ATR: variants seen among roughly 807,000 people sequenced by gnomAD.
ATR encodes serine/threonine-protein kinase ATR.
Under a neutral mutation model 305.3 loss-of-function variants are expected in ATR, and 142 were observed. The observed-to-expected ratio is 0.47, with a 90% CI of 0.41 to 0.53. The LOEUF (loss-of-function observed/expected upper bound fraction) is 0.53. ATR is among the 20% of genes least tolerant of loss of function. The pLI is 0.00. For missense variants in ATR, 2,135 were observed against 3,133.1 expected (o/e 0.68, Z 7.60); for synonymous variants, 1,050 against 1,068.1 (o/e 0.98, Z 0.33).
intron 30 of ATR, among the ~76,000 whole-genome samples, chr3:142,503,010 C>T (rs2032054707): frequency 6.6e-6 from 1 of 152,234 alleles, no homozygotes; most frequent in Non-Finnish European, 1.5e-5. Context: ...TTCCGTAAAT[C>T]AGTCACAACC....
intron 18 of ATR, among the ~76,000 whole-genome samples, chr3:142,540,649 T>C (rs1307671507): frequency 6.6e-6 from 1 of 152,132 alleles, no homozygotes; most frequent in East Asian, 1.9e-4. Context: ...AAACTAGCAA[T>C]GTTGATAACT....
At chr3:142,553,177 C>T in intron 13 of ATR, 50 bp downstream of exon 13, 1 of 1,579,124 alleles carries the variant, frequency 6.3e-7, no homozygotes, top group Non-Finnish European at 8.7e-7. Flanking sequence ...TTTTGTAACT[C>T]TTAAAAAGTA....
intron 36 of ATR, among the ~76,000 whole-genome samples, chr3:142,479,251 C>A (rs1433006185): frequency 1.3e-5 from 2 of 152,112 alleles, no homozygotes; most frequent in Non-Finnish European, 2.9e-5. Context: ...ATGTTTAGTG[C>A]TTCCTTCAGG....
intron 12 of ATR, 32 bp from the exon 13 acceptor site, chr3:142,553,430 A>G (rs1422244115): frequency 6.5e-7 from 1 of 1,540,414 alleles, no homozygotes; most frequent in East Asian, 2.3e-5. Flanking sequence ...ATATGAATAC[A>G]CAAACACACA....
At chr3:142,571,594 T>C (rs1314165663) in intron 1 of ATR, among the ~76,000 whole-genome samples, 1 of 152,158 alleles carries the variant, frequency 6.6e-6, no homozygotes, top group East Asian at 1.9e-4. Flanking sequence ...TGTGAGTGAT[T>C]AGCAAAGTCC....
At chr3:142,566,656 G>T (rs1301774175) in intron 2 of ATR, among the ~76,000 whole-genome samples, 1 of 149,816 alleles carries the variant, frequency 6.7e-6, no homozygotes, top group Non-Finnish European at 1.5e-5. Context: ...AAAGTGGGGT[G>T]GGGGTGGGGA....
At chr3:142,537,114 C>T (rs2033887976) in intron 19 of ATR, among the ~76,000 whole-genome samples, 1 of 152,108 alleles carries the variant, frequency 6.6e-6, no homozygotes, top group Non-Finnish European at 1.5e-5. Context: ...CAAAGTAGTG[C>T]CTTCATTCAG....
chr3:142,500,972 C>T (rs1338044322), intron 30 of ATR, among the ~76,000 whole-genome samples: 1 of 151,982 alleles, frequency 6.6e-6, no homozygotes, highest in Non-Finnish European at 1.5e-5. Flanking sequence ...GTACAAATGG[C>T]AATCAGGATC....
intron 39 of ATR, among the ~76,000 whole-genome samples, chr3:142,467,519 C>A (rs924830259): frequency 1.3e-5 from 2 of 152,124 alleles, no homozygotes; most frequent in Non-Finnish European, 2.9e-5. Flanking sequence ...CAACCCTCTT[C>A]CCTATCGTAA....
At chr3:142,540,214 A>G (rs1192969362) in intron 18 of ATR, among the ~76,000 whole-genome samples, 1 of 152,202 alleles carries the variant, frequency 6.6e-6, no homozygotes, top group Non-Finnish European at 1.5e-5. Context: ...TAAAATAAGT[A>G]AAATGTGTGA....
intron 36 of ATR, among the ~76,000 whole-genome samples, chr3:142,482,473 A>G (rs2030576963): frequency 6.6e-6 from 1 of 152,202 alleles, no homozygotes. Context: ...AGTAAATTCT[A>G]TATCCCAAGG....
rs1577713474 is a variant in ATR, at chr3:142,568,281, T to C, written c.60-127A>G. 4.1e-6 allele frequency: 3 copies of C among 724,066 alleles called. No individual in the cohort carries two copies. The South Asian group carries it at 5.3e-5, about 13-fold the overall frequency. 44.9% of individuals were successfully genotyped at this position (724,066 alleles called of 1,614,324 possible). On this transcript the variant is annotated intron_variant, in intron 1 of 46. Transcript: ENST00000350721. The stretch of plus-strand genomic sequence containing the variant: ...TGTTGATATTCACAGTATTCTTCTG[T>C]TTAAAAATTGAAAAGAAAATCTGAA...
chr3:142,507,763 G>C (rs571678130), intron 28 of ATR, among the ~76,000 whole-genome samples, 168 bp downstream of exon 28: 1 of 152,068 alleles, frequency 6.6e-6, no homozygotes, highest in African/African-American at 2.4e-5. Flanking sequence ...CAGGGTACAT[G>C]TGTGTTACTG....
chr3:142,504,988 G>T, intron 29 of ATR, 151 bp downstream of exon 29: 1 of 923,886 alleles, frequency 1.1e-6, no homozygotes, highest in Admixed American at 2.2e-5. Flanking sequence ...AGGTTGCAGT[G>T]AGCCAAGATC....
intron 35 of ATR, among the ~76,000 whole-genome samples, chr3:142,491,772 T>G (rs965314926): frequency 2.8e-4 from 42 of 152,230 alleles, no homozygotes; most frequent in Admixed American, 3.3e-4. Context: ...AGATTAGCAC[T>G]GTCTGTGCCA....
intron 21 of ATR, among the ~76,000 whole-genome samples, chr3:142,524,814 T>C (rs1041115155): frequency 6.6e-6 from 1 of 152,198 alleles, no homozygotes; most frequent in Non-Finnish European, 1.5e-5. Context: ...TTTTCAGCTA[T>C]CTCTTCAGGA....
At chr3:142,476,620 A>G (rs1373062662) in intron 36 of ATR, among the ~76,000 whole-genome samples, 2 of 152,220 alleles carry the variant, frequency 1.3e-5, no homozygotes, top group African/African-American at 2.4e-5. Context: ...GTTTTTTCCA[A>G]TTCTGTGAAG....
At position 142,505,681 on chromosome 3, in the gene ATR, G is replaced by A. The variant is rs534481536; in HGVS notation, c.5032-378C>T. The stretch of plus-strand genomic sequence containing the variant: ...ATGTAAATAACCATTTTAATATATT[G>A]TTATTGAGATGACTTCAAGAAAACC... On this transcript the variant is annotated intron_variant, in intron 28 of 46. Coordinates refer to ENST00000350721, the MANE Select transcript of ATR (RefSeq NM_001184.4). 3.9e-5 allele frequency among the ~76,000 whole-genome samples: 6 copies of A among 152,208 alleles called. No individual in the cohort carries two copies. The South Asian group carries it at 1.2e-3, about 32-fold the overall frequency.
intron 13 of ATR, among the ~76,000 whole-genome samples, chr3:142,552,189 G>A (rs1182540787): frequency 6.6e-6 from 1 of 152,142 alleles, no homozygotes; most frequent in African/African-American, 2.4e-5. Context: ...TACCGTTGGT[G>A]GGAGTCTAAA....
Sources: allele counts gnomAD v4.1 joint callset (sites outside exome capture counted in the v4.1 genomes callset), GRCh38; gene constraint gnomAD v4.1.1; transcripts MANE v1.5; gene names NCBI Gene and HGNC (gene_info 2026-07-23, HGNC 2026-07-21).